The following PIK3C2G variants were observed in gnomAD, a reference collection of about 807,000 sequenced individuals.
The protein encoded by PIK3C2G is phosphatidylinositol-4-phosphate 3-kinase catalytic subunit type 2 gamma, also known as phosphatidylinositol 3-kinase C2 domain-containing subunit gamma.
In PIK3C2G, 168 loss-of-function variants were observed where a neutral mutation model predicts 181.1. The ratio of observed to expected loss-of-function variants is 0.93; its 90% CI spans 0.82 to 1.05. The LOEUF is 1.05. Ranked by LOEUF, PIK3C2G falls within the 50% of genes least tolerant of loss-of-function variation. The probability of loss-of-function intolerance (pLI) is 0.00; values close to 1 mark genes in which losing one functional copy is unlikely to be tolerated. For synonymous variants in PIK3C2G, 573 were observed against 592.2 expected (o/e 0.97, Z 0.47); for missense variants, 1,869 against 1,732.8 (o/e 1.08, Z -1.40).
At chr12:18,364,438 A>G (rs1941491617) in intron 12 of PIK3C2G, among the ~76,000 whole-genome samples, 1 of 152,194 alleles carries the variant, frequency 6.6e-6, no homozygotes, top group Non-Finnish European at 1.5e-5. Context: ...TTTCTCTTAC[A>G]GTACCTACTG....
intron 22 of PIK3C2G, among the ~76,000 whole-genome samples, chr12:18,499,205 T>A (rs944480595): frequency 5.3e-5 from 8 of 152,240 alleles, no homozygotes; most frequent in African/African-American, 1.7e-4. Context: ...CTTCTCTGTC[T>A]ACCAACAACA....
At chr12:18,717,485 T>A in the PIK3C2G span, among the ~76,000 whole-genome samples, 14 of 152,242 alleles carry the variant, frequency 9.2e-5, no homozygotes, top group African/African-American at 3.1e-4. Flanking sequence ...TGGTTTTAAA[T>A]ATCCCATATA....
At chr12:18,491,333 C>A in intron 19 of PIK3C2G, 118 bp from the exon 20 acceptor site, 1 of 605,014 alleles carries the variant, frequency 1.7e-6, no homozygotes, top group East Asian at 2.7e-5. Context: ...CCAAAGTCAT[C>A]CAAGTGTGTA....
intron 18 of PIK3C2G, among the ~76,000 whole-genome samples, chr12:18,470,896 A>G (rs1056183593): frequency 6.6e-6 from 1 of 152,126 alleles, no homozygotes; most frequent in Non-Finnish European, 1.5e-5. Context: ...TTTTATTATA[A>G]TGTTTTATTT....
the PIK3C2G span, chr12:18,684,312 A>G: frequency 6.4e-7 from 1 of 1,561,908 alleles, no homozygotes; most frequent in Non-Finnish European, 8.8e-7. Flanking sequence ...ACAAAGAATA[A>G]TAGATACCAT....
intron 31 of PIK3C2G, among the ~76,000 whole-genome samples, chr12:18,636,372 C>G (rs1438729651): frequency 6.6e-6 from 1 of 152,140 alleles, no homozygotes; most frequent in Admixed American, 6.5e-5. Context: ...GCTGGGATTA[C>G]AAGGCACGTG....
At chr12:18,503,208 T>A in intron 22 of PIK3C2G, 73 bp from the exon 23 acceptor site, 1 of 1,123,048 alleles carries the variant, frequency 8.9e-7, no homozygotes. Context: ...GAAGCTATTG[T>A]TGTTATATTT....
At chr12:18,299,381 G>A (rs1950080530) in intron 5 of PIK3C2G, among the ~76,000 whole-genome samples, 1 of 151,880 alleles carries the variant, frequency 6.6e-6, no homozygotes, top group African/African-American at 2.4e-5. Context: ...TAATTTTTGT[G>A]TGTTGATTTG....
downstream of PIK3C2G, among the ~76,000 whole-genome samples, chr12:18,652,261 ATATAAG>A (rs1352522092): frequency 1.3e-5 from 2 of 152,304 alleles, no homozygotes; most frequent in African/African-American, 4.8e-5. Flanking sequence ...TACCAGTCAC[ATATAAG>A]TATATGACTG....
intron 18 of PIK3C2G, among the ~76,000 whole-genome samples, chr12:18,472,442 T>C (rs1160486581): frequency 6.6e-6 from 1 of 152,150 alleles, no homozygotes; most frequent in African/African-American, 2.4e-5. Context: ...CATTTTTGTA[T>C]GTTTACTGTC....
At chr12:18,546,454 T>C (rs771571660) in intron 26 of PIK3C2G, 22 bp downstream of exon 26, 33 of 1,228,196 alleles carry the variant, frequency 2.7e-5, no homozygotes, top group Non-Finnish European at 3.8e-5. Flanking sequence ...TATGAATGTG[T>C]GAGCATGCAT....
At chr12:18,324,218 C>CAA (rs890423728) in intron 7 of PIK3C2G, among the ~76,000 whole-genome samples, 1 of 135,346 alleles carries the variant, frequency 7.4e-6, no homozygotes, top group Admixed American at 7.5e-5. Context: ...CACTCCGTCT[C>CAA]AAAAAAAAAA....
At chr12:18,567,688 G>A (rs1157344417) in intron 29 of PIK3C2G, among the ~76,000 whole-genome samples, 1 of 151,836 alleles carries the variant, frequency 6.6e-6, no homozygotes. Flanking sequence ...ATTAAACAGA[G>A]GTGGTCTGGG....
At chr12:18,394,975 C>A (rs1943765431) in intron 15 of PIK3C2G, among the ~76,000 whole-genome samples, 1 of 151,718 alleles carries the variant, frequency 6.6e-6, no homozygotes, top group South Asian at 2.1e-4. Context: ...AATACATACT[C>A]TCCCTTTCTT....
intron 24 of PIK3C2G, among the ~76,000 whole-genome samples, chr12:18,520,650 G>A (rs1421656424): frequency 6.6e-6 from 1 of 152,032 alleles, no homozygotes; most frequent in African/African-American, 2.4e-5. Context: ...TCTTTGCATT[G>A]GGTTAGAATA....
intron 19 of PIK3C2G, among the ~76,000 whole-genome samples, chr12:18,489,693 A>G (rs1326912962): frequency 6.6e-6 from 1 of 152,204 alleles, no homozygotes; most frequent in Non-Finnish European, 1.5e-5. Flanking sequence ...AAACGTTACT[A>G]CAAGTTCATT....
At chr12:18,495,035 T>G (rs1432748156) in intron 20 of PIK3C2G, among the ~76,000 whole-genome samples, 1 of 152,048 alleles carries the variant, frequency 6.6e-6, no homozygotes, top group East Asian at 1.9e-4. Flanking sequence ...GGGTTTGTGT[T>G]TAGTTAAGAT....
the PIK3C2G span, among the ~76,000 whole-genome samples, chr12:18,718,677 C>G: frequency 6.6e-6 from 1 of 152,100 alleles, no homozygotes; most frequent in African/African-American, 2.4e-5. Context: ...ACAACTTTAC[C>G]CTAAGTAACA....
rs142896323 is a variant in PIK3C2G, at chr12:18,648,177, GTTGT to G, written c.*152_*155del. ...AAAAAAATCAGAATTAGTCTTTTGT[GTTGT>G]TTATTTTCTACCTGTGCTTTCATTG... is the stretch of plus-strand genomic sequence containing the variant. On this transcript the variant is annotated 3_prime_UTR_variant, in exon 33 of 33. Transcript: ENST00000538779. The G allele has an allele frequency of 0.099, 39,501 of 400,858 alleles. 2,330 individuals are homozygous for G. The highest frequency in any genetic ancestry group is 0.2 in the African/African-American group (9,436 of 48,362). 24.8% of individuals were successfully genotyped at this position (400,858 alleles called of 1,614,324 possible). A position where few individuals can be genotyped will look rare whatever the true frequency, so the allele number is the denominator to read the frequency against.
Sources: allele counts gnomAD v4.1 joint callset (sites outside exome capture counted in the v4.1 genomes callset), GRCh38; gene constraint gnomAD v4.1.1; transcripts MANE v1.5; gene names NCBI Gene and HGNC (gene_info 2026-07-23, HGNC 2026-07-21).